The following FBXL17 variants were observed in gnomAD, a reference collection of about 807,000 sequenced individuals.
The protein encoded by FBXL17 is F-box/LRR-repeat protein 17.
FBXL17 carries 22 observed loss-of-function variants against 66.2 expected under a neutral mutation model. The observed-to-expected ratio is 0.33, with a 90% CI of 0.24 to 0.47. The LOEUF (loss-of-function observed/expected upper bound fraction) is 0.47, where lower values mean the gene tolerates loss of function less well. Among genes scored for constraint, FBXL17 ranks in the 20% least tolerant of loss-of-function variants. The pLI is 1.00. For synonymous variants in FBXL17, 474 were observed against 400.5 expected, an observed-to-expected ratio of 1.18 and a Z score of -2.19; for missense variants, 878 against 948.2, an observed-to-expected ratio of 0.93 and a Z score of 0.97.
At chr5:108,147,750 T>C (rs1359657839) in intron 6 of FBXL17, among the ~76,000 whole-genome samples, 1 of 152,072 alleles carries the variant, frequency 6.6e-6, no homozygotes, top group East Asian at 1.9e-4. Context: ...CAATGTCTCA[T>C]TACAAATCTG....
intron 1 of FBXL17, among the ~76,000 whole-genome samples, chr5:108,372,277 G>C (rs1407950020): frequency 6.6e-6 from 1 of 152,138 alleles, no homozygotes; most frequent in African/African-American, 2.4e-5. Flanking sequence ...GAAGGAAAAT[G>C]AACATACATG....
Position 108,054,046 on chromosome 5 carries a change from G to A in FBXL17, c.1746-33045C>T, listed in dbSNP as rs1260358144. Reference sequence around the variant, plus strand: ...AAATACCACATGTTCTCATTCATAAGTGGGTGTGGAACAATGAGAACACAT... The same window carrying A: ...AAATACCACATGTTCTCATTCATAAATGGGTGTGGAACAATGAGAACACAT... On this transcript the variant is annotated intron_variant, in intron 6 of 8. Coordinates refer to ENST00000542267, the MANE Select transcript of FBXL17 (RefSeq NM_001163315.3). 7.9e-5 allele frequency among the ~76,000 whole-genome samples: 12 copies of A among 152,220 alleles called. No homozygotes were observed. The East Asian group carries it at 2.3e-3, about 29-fold the overall frequency.
At chr5:107,874,407 C>T (rs1046281356) in intron 8 of FBXL17, among the ~76,000 whole-genome samples, 4 of 152,120 alleles carry the variant, frequency 2.6e-5, no homozygotes, top group Non-Finnish European at 5.9e-5. Context: ...TTATAGTGTG[C>T]CTGACTTCGG....
chr5:108,219,928 C>CTTTTTTTTTTTTTTTTTTTTTTTTTTTT lies in FBXL17; in HGVS notation c.1614+4192_1614+4193insAAAAAAAAAAAAAAAAAAAAAAAAAAAA. Among the ~76,000 whole-genome samples, 12 of 37,434 alleles carry CTTTTTTTTTTTTTTTTTTTTTTTTTTTT rather than the reference C, an allele frequency of 3.2e-4. 1 individual carries two copies. Among genetic ancestry groups the CTTTTTTTTTTTTTTTTTTTTTTTTTTTT allele is most frequent in the East Asian group, 1.4e-3 (1 of 728 alleles). The allele number at this position is 37,434 out of a possible 152,430, so 24.6% of individuals were successfully genotyped here. ...TTTCCTCTTTGATCTTTACTATTTC[C>CTTTTTTTTTTTTTTTTTTTTTTTTTTTT]TTTTTTTTTTTTTTTTTTTTTTTGC... On this transcript the variant is annotated intron_variant, in intron 5 of 8. Coordinates refer to ENST00000542267, the MANE Select transcript of FBXL17 (RefSeq NM_001163315.3).
intron 4 of FBXL17, among the ~76,000 whole-genome samples, chr5:108,336,926 T>C (rs1424586284): frequency 6.6e-6 from 1 of 152,142 alleles, no homozygotes; most frequent in Admixed American, 6.5e-5. Flanking sequence ...ACTTGTCTCA[T>C]TTAAAATGTG....
At chr5:107,913,970 T>C (rs561099021) in intron 7 of FBXL17, among the ~76,000 whole-genome samples, 1 of 135,416 alleles carries the variant, frequency 7.4e-6, no homozygotes, top group Non-Finnish European at 1.7e-5. Flanking sequence ...TTTCATTTTA[T>C]GAGTTTTTTT....
intron 3 of FBXL17, 32 bp from the exon 4 acceptor site, chr5:108,348,562 A>G (rs1392015577): frequency 6.3e-7 from 1 of 1,585,628 alleles, no homozygotes; most frequent in South Asian, 1.1e-5. Context: ...TGAATGCTCA[A>G]AAAATAACAA....
Position 107,947,904 on chromosome 5 carries a change from AAACATTTAAAAG to A in FBXL17, c.1823-66737_1823-66726del, listed in dbSNP as rs1751367924. Among the ~76,000 whole-genome samples, 3 of 152,286 alleles carry A rather than the reference AAACATTTAAAAG, an allele frequency of 2.0e-5. No homozygotes were observed. The South Asian group carries it at 6.2e-4, about 32-fold the overall frequency. On this transcript the variant is annotated intron_variant, in intron 7 of 8. Coordinates refer to ENST00000542267, the MANE Select transcript of FBXL17 (RefSeq NM_001163315.3). Reference sequence around the variant, plus strand: ...CTTCCACTCTATTCCTTTTCTACCTAAACATTTAAAAGATACTCTGAACAGAAGATGGGTTTA... The same window carrying A: ...CTTCCACTCTATTCCTTTTCTACCTAATACTCTGAACAGAAGATGGGTTTA...
chr5:108,243,057 A>G (rs1305164520), intron 4 of FBXL17, among the ~76,000 whole-genome samples: 1 of 152,154 alleles, frequency 6.6e-6, no homozygotes, highest in Non-Finnish European at 1.5e-5. Flanking sequence ...GTTTATTTGA[A>G]CTTCCCTGAT....
chr5:108,200,097 C>G (rs1003736324), intron 5 of FBXL17, among the ~76,000 whole-genome samples: 3 of 152,112 alleles, frequency 2.0e-5, no homozygotes, highest in Non-Finnish European at 4.4e-5. Flanking sequence ...TCAGCCAACA[C>G]AAGTTGGAGC....
intron 4 of FBXL17, among the ~76,000 whole-genome samples, chr5:108,320,192 T>C (rs1184926672): frequency 6.6e-6 from 1 of 151,784 alleles, no homozygotes; most frequent in Non-Finnish European, 1.5e-5. Context: ...CCCTTCTTTG[T>C]TTTTGTCTTT....
intron 7 of FBXL17, among the ~76,000 whole-genome samples, chr5:107,993,875 T>C (rs1389155332): frequency 6.6e-6 from 1 of 152,204 alleles, no homozygotes; most frequent in African/African-American, 2.4e-5. Flanking sequence ...AATTTTTGAA[T>C]AGAGCCTATG....
intron 4 of FBXL17, among the ~76,000 whole-genome samples, chr5:108,312,400 G>T (rs1759167042): frequency 2.6e-5 from 4 of 151,994 alleles, no homozygotes. Flanking sequence ...ATCCTGAGTA[G>T]CAGATTGCTT....
chr5:107,953,109 AAG>A (rs921354446), intron 7 of FBXL17, among the ~76,000 whole-genome samples: 10 of 152,198 alleles, frequency 6.6e-5, no homozygotes, highest in East Asian at 3.9e-4. Flanking sequence ...TTAAAAAAAA[AAG>A]GCAGATGTAG....
chr5:108,120,019 T>G (rs1284374401), intron 6 of FBXL17, among the ~76,000 whole-genome samples: 4 of 152,218 alleles, frequency 2.6e-5, no homozygotes, highest in Admixed American at 6.5e-5. Context: ...CTTGTGCTCT[T>G]TGTGTTGGTC....
intron 6 of FBXL17, among the ~76,000 whole-genome samples, chr5:108,093,242 T>C (rs1040402981): frequency 6.6e-6 from 1 of 151,820 alleles, no homozygotes; most frequent in Admixed American, 6.6e-5. Context: ...CATAACCTAC[T>C]GTTATTATAA....
chr5:108,180,719 T>G (rs572208651), intron 6 of FBXL17, among the ~76,000 whole-genome samples: 1 of 152,280 alleles, frequency 6.6e-6, no homozygotes, highest in Admixed American at 6.5e-5. Context: ...CATGGCAATA[T>G]AATTGATATT....
At chr5:108,094,081 C>T (rs571873729) in intron 6 of FBXL17, among the ~76,000 whole-genome samples, 1 of 152,216 alleles carries the variant, frequency 6.6e-6, no homozygotes, top group Non-Finnish European at 1.5e-5. Context: ...TCTCTGAGTG[C>T]TGCACAGTTA....
intron 5 of FBXL17, among the ~76,000 whole-genome samples, chr5:108,219,769 C>A (rs1018759245): frequency 6.6e-6 from 1 of 151,930 alleles, no homozygotes; most frequent in African/African-American, 2.4e-5. Context: ...TTTTGTCAAC[C>A]CTCTGAGCTA....
Sources: gnomAD v4.1 joint callset for allele counts (sites outside exome capture counted in the v4.1 genomes callset) on GRCh38, gnomAD v4.1.1 for gene constraint, MANE v1.5 for transcripts, NCBI Gene and HGNC (gene_info 2026-07-23, HGNC 2026-07-21) for gene names.